The following PFKL variants were observed in gnomAD, a reference collection of about 807,000 sequenced individuals.
PFKL encodes the protein ATP-dependent 6-phosphofructokinase, liver type.
PFKL carries 74 observed loss-of-function variants against 92.1 expected under a neutral mutation model. The observed-to-expected ratio is 0.80, with a 90% CI of 0.67 to 0.97. The LOEUF (loss-of-function observed/expected upper bound fraction) is 0.97. Ranked by LOEUF, PFKL falls within the 50% of genes least tolerant of loss-of-function variation. The pLI, the probability that PFKL is intolerant of heterozygous loss-of-function variation, is 0.00. For missense variants in PFKL, 1,028 were observed against 1,116.6 expected, an observed-to-expected ratio of 0.92 and a Z score of 1.13; for synonymous variants, 494 against 456.4, an observed-to-expected ratio of 1.08 and a Z score of -1.05.
At chr21:44,310,159 C>G (rs577801860) in intron 2 of PFKL, among the ~76,000 whole-genome samples, 3 of 152,226 alleles carry the variant, frequency 2.0e-5, no homozygotes, top group Non-Finnish European at 4.4e-5. Context: ...CTTCTCCTCT[C>G]CACACCCTTA....
chr21:44,323,998 GAT>G, intron 16 of PFKL, 80 bp downstream of exon 16: 1 of 1,540,514 alleles, frequency 6.5e-7, no homozygotes, highest in Non-Finnish European at 8.9e-7. Context: ...TGCTGGAGGG[GAT>G]AGTGTGTGGT....
chr21:44,312,495 A>C (rs1351662112), intron 4 of PFKL, among the ~76,000 whole-genome samples: 1 of 152,162 alleles, frequency 6.6e-6, no homozygotes, highest in Non-Finnish European at 1.5e-5. Flanking sequence ...TCAGTGCTCA[A>C]GCCTGAGGGA....
At position 44,322,149 on chromosome 21, in the gene PFKL, G is replaced by A; in HGVS notation, c.1355G>A (p.Trp452Ter). ...LAKGQVQEVGWHDVAGWLGRG... is the reference protein window; with the variant it reads ...LAKGQVQEVG ...TCCTGGCAGGTGCAAGAAGTAGGCT[G>A]GCACGACGTGGCCGGCTGGTTGGGG... is the stretch of plus-strand genomic sequence containing the variant. Residue 452 changes from tryptophan (W) to a stop codon, truncating the protein, a stop_gained, in exon 14 of 22, where the codon TGG (tryptophan) becomes TAG (stop). Coordinates refer to ENST00000349048, the MANE Select transcript of PFKL (RefSeq NM_002626.6). LOFTEE classifies it high-confidence loss of function. 6.2e-7 allele frequency: 1 copy of A among 1,606,170 alleles called. No homozygotes were observed. The highest frequency in any genetic ancestry group is 8.5e-7 in the Non-Finnish European group (1 of 1,178,490).
chr21:44,322,061 C>T, intron 13 of PFKL, 72 bp from the exon 14 acceptor site: 1 of 1,521,168 alleles, frequency 6.6e-7, no homozygotes, highest in Non-Finnish European at 8.9e-7. Flanking sequence ...GGCCCCCGGG[C>T]ACAGGCCCAC....
chr21:44,304,380 C>T, intron 1 of PFKL: 1 of 1,270,594 alleles, frequency 7.9e-7, no homozygotes, highest in South Asian at 1.3e-5. Context: ...ACCAGAGAGG[C>T]CCTGTGGTTG....
intron 2 of PFKL, among the ~76,000 whole-genome samples, chr21:44,310,367 C>T (rs991364516): frequency 4.6e-5 from 7 of 152,210 alleles, no homozygotes; most frequent in Admixed American, 2.0e-4. Context: ...GCCTGGAGCC[C>T]CTGCCTGGGG....
In PFKL at chr21:44,319,328, G is replaced by A. The variant is rs544614993; in HGVS notation, c.1063-23G>A. 7 of 1,608,010 alleles carry A rather than the reference G, an allele frequency of 4.4e-6. No individual in the cohort carries two copies. The East Asian group carries it at 1.1e-4, about 26-fold the overall frequency. The stretch of plus-strand genomic sequence containing the variant: ...GTGCGGGCCAGGCTCTCCATAGTCT[G>A]TGTTCTGTTTCTCTTCCTTAAGACC... On this transcript the variant is annotated intron_variant, in intron 10 of 21. Transcript: ENST00000349048.
intron 16 of PFKL, 51 bp from the exon 17 acceptor site, chr21:44,324,440 A>C: frequency 6.3e-7 from 1 of 1,597,134 alleles, no homozygotes; most frequent in Non-Finnish European, 8.6e-7. Flanking sequence ...CCGACGGCCT[A>C]CAGGGAAGGG....
At chr21:44,312,354 C>T (rs537711899) in intron 4 of PFKL, 60 bp downstream of exon 4, 71 of 1,436,086 alleles carry the variant, frequency 4.9e-5, no homozygotes, top group Middle Eastern at 2.4e-4. Context: ...TGCTGCCAGG[C>T]GTGGGAATGG....
At chr21:44,308,558 A>ATTTTT (rs368772998) in intron 2 of PFKL, among the ~76,000 whole-genome samples, 2 of 137,606 alleles carry the variant, frequency 1.5e-5, no homozygotes, top group African/African-American at 2.8e-5. Context: ...GGGGGGTAGG[A>ATTTTT]ATTTTTTTTT....
intron 7 of PFKL, chr21:44,315,328 CT>C (rs370271579): frequency 9.2e-5 from 14 of 152,486 alleles, no homozygotes; most frequent in African/African-American, 3.1e-4. Flanking sequence ...CTGTTTCCCC[CT>C]GTAACATGCG....
At chr21:44,303,938 C>A (rs139763504) in intron 1 of PFKL, among the ~76,000 whole-genome samples, 1 of 151,998 alleles carries the variant, frequency 6.6e-6, no homozygotes, top group Non-Finnish European at 1.5e-5. Flanking sequence ...AAAGAAAAGC[C>A]GATTAAAGGG....
In PFKL at chr21:44,306,687, A is replaced by G; in HGVS notation, c.92A>G (p.Asn31Ser). ...LTSGGDAQGMNAAVRAVTRMG... is the reference protein window; with the variant it reads ...LTSGGDAQGMSAAVRAVTRMG... The stretch of plus-strand genomic sequence containing the variant: ...TTTGCCCTGACCTCCACAGGCATGA[A>G]CGCTGCTGTCCGGGCTGTGACGCGC... Residue 31 changes from asparagine to serine, a missense_variant, in exon 2 of 22, where the codon AAC (asparagine) becomes AGC (serine). Physicochemically the swap from Asn to Ser is conservative, Grantham distance 46 (BLOSUM62 1). Coordinates refer to ENST00000349048, the MANE Select transcript of PFKL (RefSeq NM_002626.6). 6.2e-7 allele frequency: 1 copy of G among 1,613,684 alleles called. No homozygotes were observed. Among genetic ancestry groups the G allele is most frequent in the Middle Eastern group, 1.7e-4 (1 of 6,052 alleles).
intron 21 of PFKL, 142 bp from the exon 22 acceptor site, chr21:44,326,573 C>A: frequency 8.6e-7 from 1 of 1,162,670 alleles, no homozygotes; most frequent in Non-Finnish European, 1.2e-6. Flanking sequence ...AGACCTGTCC[C>A]AGCTCCACGG....
intron 2 of PFKL, among the ~76,000 whole-genome samples, chr21:44,310,415 C>A (rs2041081777): frequency 6.6e-6 from 1 of 152,196 alleles, no homozygotes; most frequent in African/African-American, 2.4e-5. Context: ...CTCGGGTCCC[C>A]TGGACCCAGG....
rs117689677 is a variant in PFKL, at chr21:44,306,493, C to T, written c.86-188C>T. Among the ~76,000 whole-genome samples, 1,385 of 151,192 alleles carry T rather than the reference C, an allele frequency of 9.2e-3. 10 individuals carry two copies. Among genetic ancestry groups the T allele is most frequent in the Non-Finnish European group, 0.013 (878 of 67,626 alleles). On this transcript the variant is annotated intron_variant, in intron 1 of 21. Coordinates refer to ENST00000349048, the MANE Select transcript of PFKL (RefSeq NM_002626.6). ...CCCCTGCCCTCTGAGATGGGGAGGGCGTCCGGGCCTTCCCTGACCCTTGCC... is the reference window on the plus strand; with the variant it reads ...CCCCTGCCCTCTGAGATGGGGAGGGTGTCCGGGCCTTCCCTGACCCTTGCC...
At chr21:44,312,344 T>G (rs1440475624) in intron 4 of PFKL, 50 bp downstream of exon 4, 9 of 1,470,674 alleles carry the variant, frequency 6.1e-6, no homozygotes, top group Admixed American at 5.1e-5. Flanking sequence ...GTTTTGCCGC[T>G]GCTGCCAGGC....
chr21:44,319,199 G>A, intron 10 of PFKL, 152 bp from the exon 11 acceptor site: 1 of 654,066 alleles, frequency 1.5e-6, no homozygotes, highest in Non-Finnish European at 2.7e-6. Context: ...CCTTGGTGGT[G>A]ACCGCTGTTC....
At chr21:44,321,615 T>G in intron 12 of PFKL, 114 bp from the exon 13 acceptor site, 1 of 1,071,036 alleles carries the variant, frequency 9.3e-7, no homozygotes, top group African/African-American at 1.7e-5. Context: ...GCGTCCAGGC[T>G]GCTGGCAGGG....
Sources: gnomAD v4.1 joint callset for allele counts (sites outside exome capture counted in the v4.1 genomes callset) on GRCh38, gnomAD v4.1.1 for gene constraint, MANE v1.5 for transcripts, NCBI Gene and HGNC (gene_info 2026-07-23, HGNC 2026-07-21) for gene names.